The following ZNF326 variants were observed in gnomAD, a reference collection of about 807,000 sequenced individuals.
ZNF326 encodes zinc finger protein 326.
ZNF326 carries 30 observed loss-of-function variants against 63.1 expected under a neutral mutation model. The observed-to-expected ratio is 0.48, with a 90% confidence interval of 0.36 to 0.64. The LOEUF is 0.64. Among genes scored for constraint, ZNF326 ranks in the 30% least tolerant of loss-of-function variants. The pLI, the probability that ZNF326 is intolerant of heterozygous loss-of-function variation, is 0.00. For missense variants in ZNF326, 609 were observed against 720.3 expected (o/e 0.85, Z 1.77); for synonymous variants, 194 against 228.2 (o/e 0.85, Z 1.35).
chr1:90,005,457 A>G, intron 4 of ZNF326: 2 of 1,286,076 alleles, frequency 1.6e-6, no homozygotes, highest in Middle Eastern at 3.0e-4. Context: ...AGATAACTAT[A>G]TCATGTCAAT....
chr1:89,995,110 A>G lies in ZNF326; in HGVS notation c.-148A>G. Reference sequence around the variant, plus strand: ...TAGCGCCGGTCGGCCCCGCCTCCCCAGCCTCGCTGTGGCCTGCGGCTCCCG... The same window carrying G: ...TAGCGCCGGTCGGCCCCGCCTCCCCGGCCTCGCTGTGGCCTGCGGCTCCCG... On this transcript the variant is annotated 5_prime_UTR_variant, in exon 1 of 12. Transcript: ENST00000340281. 1 of 955,172 alleles carries G rather than the reference A, an allele frequency of 1.0e-6. No homozygotes were observed. The highest frequency in any genetic ancestry group is 1.5e-6 in the Non-Finnish European group (1 of 665,690). The allele number at this position is 955,172 out of a possible 1,614,324, so 59.2% of individuals were successfully genotyped here. A position where few individuals can be genotyped will look rare whatever the true frequency, so the allele number is the denominator to read the frequency against.
In ZNF326 at chr1:89,995,183, C is replaced by G; in HGVS notation, c.-75C>G. 5 of 1,495,910 alleles carry G rather than the reference C, an allele frequency of 3.3e-6. No individual in the cohort carries two copies. The highest frequency in any genetic ancestry group is 4.5e-6 in the Non-Finnish European group (5 of 1,117,830). The allele number at this position is 1,495,910 out of a possible 1,614,324, so 92.7% of individuals were successfully genotyped here. A position where few individuals can be genotyped will look rare whatever the true frequency, so the allele number is the denominator to read the frequency against. ...GTCGCGCGGAGTGATCGTGTGGAAT[C>G]GCGGGTCGCGGACGCTCGCCGCCGG... On this transcript the variant is annotated 5_prime_UTR_variant, in exon 1 of 12. In the 5' UTR this introduces an upstream ATG that the reference lacks. Coordinates refer to ENST00000340281, the MANE Select transcript of ZNF326 (RefSeq NM_182976.4).
At position 90,023,531 on chromosome 1, in the gene ZNF326, C is replaced by T. The variant is rs537654455; in HGVS notation, c.1401+1186C>T. Among the ~76,000 whole-genome samples the T allele has an allele frequency of 9.2e-5, 14 of 152,144 alleles. No homozygotes were observed. In the South Asian group the frequency reaches 1.0e-3, roughly 11 times the overall value. On this transcript the variant is annotated intron_variant, in intron 11 of 11. Transcript: ENST00000340281. ...TAATCTAATATTCGTTAATATTTGT[C>T]GCCATTTACTACATTCTTGACACTA...
At chr1:90,006,692 C>G (rs1649010411) in intron 4 of ZNF326, among the ~76,000 whole-genome samples, 1 of 152,044 alleles carries the variant, frequency 6.6e-6, no homozygotes, top group African/African-American at 2.4e-5. Flanking sequence ...ATCTGTTTAT[C>G]CTTCTAGATT....
In ZNF326 at chr1:90,014,064, C is replaced by CA. The variant is rs796712820; in HGVS notation, c.926+838dup. ...TGGGCAACAGAGCGAGACTCTGTCTCAAAAAAAAAAAGAGGGGAATTGGTT... is the reference window on the plus strand; with the variant it reads ...TGGGCAACAGAGCGAGACTCTGTCTCAAAAAAAAAAAAGAGGGGAATTGGTT... On this transcript the variant is annotated intron_variant, in intron 7 of 11. Transcript: ENST00000340281. Among the ~76,000 whole-genome samples, 1,045 of 127,536 alleles carry CA rather than the reference C, an allele frequency of 8.2e-3. 9 individuals carry two copies. The highest frequency in any genetic ancestry group is 0.023 in the African/African-American group (808 of 34,608). The allele number at this position is 127,536 out of a possible 152,430, so 83.7% of individuals were successfully genotyped here. A position where few individuals can be genotyped will look rare whatever the true frequency, so the allele number is the denominator to read the frequency against.
chr1:90,005,872 A>G (rs2101061264), intron 4 of ZNF326: 1 of 985,422 alleles, frequency 1.0e-6, no homozygotes, highest in South Asian at 4.7e-5. Context: ...TGAATACTAT[A>G]CCTTTGACTA....
intron 6 of ZNF326, among the ~76,000 whole-genome samples, chr1:90,012,680 T>G (rs2101072302): frequency 6.6e-6 from 1 of 152,318 alleles, no homozygotes; most frequent in South Asian, 2.1e-4. Context: ...AGAAACTTTC[T>G]GAGAGCTCCT....
chr1:90,014,124 C>T (rs1649383907), intron 7 of ZNF326, among the ~76,000 whole-genome samples: 1 of 151,478 alleles, frequency 6.6e-6, no homozygotes, highest in Non-Finnish European at 1.5e-5. Flanking sequence ...CAGTTTAGAG[C>T]CTCCTCATAT....
chr1:90,023,957 C>T (rs1649890423), intron 11 of ZNF326, among the ~76,000 whole-genome samples: 1 of 152,088 alleles, frequency 6.6e-6, no homozygotes, highest in Non-Finnish European at 1.5e-5. Context: ...CAGGTCATAC[C>T]CAGGCCTACT....
At position 90,033,089 on chromosome 1, in the gene ZNF326, C is replaced by A. The variant is rs925982585; in HGVS notation, c.*5388C>A. 2.0e-5 allele frequency: 3 copies of A among 152,060 alleles called. No homozygotes were observed. The highest frequency in any genetic ancestry group is 4.4e-5 in the Non-Finnish European group (3 of 68,014). The allele number at this position is 152,060 out of a possible 1,614,324, so 9.4% of individuals were successfully genotyped here. On this transcript the variant is annotated 3_prime_UTR_variant, in exon 12 of 12. Transcript: ENST00000340281. Reference sequence around the variant, plus strand: ...TCTTCAGGGAATTTTTCACTCAAGCCCAGAAAATAAACTCCAGATAATGAT... The same window carrying A: ...TCTTCAGGGAATTTTTCACTCAAGCACAGAAAATAAACTCCAGATAATGAT...
intron 11 of ZNF326, among the ~76,000 whole-genome samples, chr1:90,023,107 A>G (rs1649853481): frequency 6.6e-6 from 1 of 152,218 alleles, no homozygotes; most frequent in Admixed American, 6.5e-5. Flanking sequence ...ATTTATGATA[A>G]ACACTTACTA....
At chr1:90,017,234 A>G in intron 7 of ZNF326, 83 bp from the exon 8 acceptor site, 1 of 967,638 alleles carries the variant, frequency 1.0e-6, no homozygotes, top group Non-Finnish European at 1.5e-6. Context: ...TGTTGGTAAA[A>G]TTAGTTTCAA....
At position 90,007,355 on chromosome 1, in the gene ZNF326, T is replaced by A; in HGVS notation, c.220T>A (p.Tyr74Asn). 6.2e-7 allele frequency: 1 copy of A among 1,605,916 alleles called. No homozygotes were observed. The highest frequency in any genetic ancestry group is 8.5e-7 in the Non-Finnish European group (1 of 1,175,538). ...GTGCAACTTTTCCAGGTTTGGACCTTATGAGTCTTACGACTCCAGGTCTTC... is the reference window on the plus strand; with the variant it reads ...GTGCAACTTTTCCAGGTTTGGACCTAATGAGTCTTACGACTCCAGGTCTTC... The part of the protein sequence containing the change: ...GGGGGSRFGP[Y>N]ESYDSRSSLG... Residue 74 changes from tyrosine to asparagine, a missense_variant, in exon 5 of 12, where the codon TAT becomes AAT. Coordinates refer to ENST00000340281, the MANE Select transcript of ZNF326 (RefSeq NM_182976.4). The surrounding 1 kb of genome is among the most constrained non-coding windows in gnomAD (Gnocchi z 4.9).
Position 90,013,236 on chromosome 1 carries a change from AGGTT to A in ZNF326, c.926_926+3del. 6.4e-7 allele frequency: 1 copy of A among 1,570,838 alleles called. No homozygotes were observed. The highest frequency in any genetic ancestry group is 8.6e-7 in the Non-Finnish European group (1 of 1,159,968). ...CAGTGAGAAATACGGAGATGGATAC[AGGTT>A]TGTACTTAGAGTCAGAAAATTAGGT... On this transcript the variant is annotated splice_donor_variant and splice_donor_region_variant and coding_sequence_variant and intron_variant, in exon 7 of 12. Coordinates refer to ENST00000340281, the MANE Select transcript of ZNF326 (RefSeq NM_182976.4). LOFTEE classifies it high-confidence loss of function.
At chr1:90,021,052 A>G in intron 10 of ZNF326, 130 bp downstream of exon 10, 1 of 984,300 alleles carries the variant, frequency 1.0e-6, no homozygotes, top group Admixed American at 2.6e-5. Flanking sequence ...AACTGTAAGT[A>G]TACTCAGAGA....
At chr1:90,016,118 G>T (rs747768742) in intron 7 of ZNF326, among the ~76,000 whole-genome samples, 1 of 151,980 alleles carries the variant, frequency 6.6e-6, no homozygotes, top group Admixed American at 6.6e-5. Flanking sequence ...AATAATTATT[G>T]TGTTTTAGGA....
At chr1:90,018,808 T>G (rs1228065596) in intron 9 of ZNF326, 24 bp downstream of exon 9, 2 of 1,374,262 alleles carry the variant, frequency 1.5e-6, no homozygotes, top group Non-Finnish European at 2.0e-6. Flanking sequence ...ACAAATTATT[T>G]TAAAATTCTA....
intron 8 of ZNF326, among the ~76,000 whole-genome samples, chr1:90,018,163 G>C (rs1375809867): frequency 1.3e-5 from 2 of 151,842 alleles, no homozygotes; most frequent in East Asian, 3.9e-4. Context: ...GTGGTGGCGC[G>C]TGCCTGTAAT....
Position 90,032,889 on chromosome 1 carries a change from G to A in ZNF326, c.*5188G>A, listed in dbSNP as rs1385354107. Reference sequence around the variant, plus strand: ...GCAGAGCATACAAATAGGGGCCATCGAAGTGTGGCAATGCCCTAGGTATAT... The same window carrying A: ...GCAGAGCATACAAATAGGGGCCATCAAAGTGTGGCAATGCCCTAGGTATAT... On this transcript the variant is annotated 3_prime_UTR_variant, in exon 12 of 12. Coordinates refer to ENST00000340281, the MANE Select transcript of ZNF326 (RefSeq NM_182976.4). 6.6e-6 allele frequency: 1 copy of A among 152,230 alleles called. No homozygotes were observed. Among genetic ancestry groups the A allele is most frequent in the Non-Finnish European group, 1.5e-5 (1 of 68,046 alleles). 9.4% of individuals were successfully genotyped at this position (152,230 alleles called of 1,614,324 possible). A position where few individuals can be genotyped will look rare whatever the true frequency, so the allele number is the denominator to read the frequency against.
Sources: gnomAD v4.1 joint callset for allele counts (sites outside exome capture counted in the v4.1 genomes callset) on GRCh38, gnomAD v4.1.1 for gene constraint, Gnocchi (gnomAD v3.1) non-coding constraint, MANE v1.5 for transcripts, NCBI Gene and HGNC (gene_info 2026-07-23, HGNC 2026-07-21) for gene names.